Variants in HMGCLL1 observed in about 807,000 individuals in gnomAD.
HMGCLL1 encodes 3-hydroxymethyl-3-methylglutaryl-CoA lyase, cytoplasmic.
Under a neutral mutation model 39.1 loss-of-function variants are expected in HMGCLL1, and 36 were observed. That is an observed-to-expected ratio of 0.92 (90% CI 0.71 to 1.22). The LOEUF is 1.22. Ranked by LOEUF, HMGCLL1 falls within the 50% of genes most tolerant of loss-of-function variation. The pLI, the probability that HMGCLL1 is intolerant of heterozygous loss-of-function variation, is 0.00. For synonymous variants in HMGCLL1, 149 were observed against 144.0 expected, an observed-to-expected ratio of 1.03 and a Z score of -0.25; for missense variants, 451 against 416.5, an observed-to-expected ratio of 1.08 and a Z score of -0.72.
chr6:55,506,575 G>GA (rs1425274358), intron 5 of HMGCLL1, among the ~76,000 whole-genome samples: 1 of 151,646 alleles, frequency 6.6e-6, no homozygotes, highest in Non-Finnish European at 1.5e-5. Context: ...ATAACATGAT[G>GA]AAATCTCATA....
intron 3 of HMGCLL1, among the ~76,000 whole-genome samples, chr6:55,520,096 C>T (rs2127440753): frequency 2.2e-5 from 1 of 46,068 alleles, no homozygotes; most frequent in South Asian, 5.5e-4. Context: ...CGGGGCCTGT[C>T]AGGGGGTGGG....
chr6:55,611,588 A>G, the HMGCLL1 span, among the ~76,000 whole-genome samples: 2 of 152,210 alleles, frequency 1.3e-5, no homozygotes, highest in South Asian at 2.1e-4. Flanking sequence ...AACCAAATCC[A>G]AGAGTACCTC....
chr6:55,645,527 C>T, the HMGCLL1 span, among the ~76,000 whole-genome samples: 2 of 151,952 alleles, frequency 1.3e-5, no homozygotes, highest in Admixed American at 6.6e-5. Flanking sequence ...ATAATACTAG[C>T]TGTGGGTCTG....
At chr6:55,526,842 G>C (rs2127445691) in intron 3 of HMGCLL1, among the ~76,000 whole-genome samples, 1 of 152,084 alleles carries the variant, frequency 6.6e-6, no homozygotes, top group East Asian at 1.9e-4. Context: ...AATAAAATTA[G>C]GCTTTCCTTA....
the HMGCLL1 span, among the ~76,000 whole-genome samples, chr6:55,658,570 A>G: frequency 5.9e-5 from 9 of 151,918 alleles, no homozygotes; most frequent in African/African-American, 2.2e-4. Context: ...ATATCTAAAG[A>G]AGGTTAATGA....
At chr6:55,492,091 A>T (rs1028154500) in intron 7 of HMGCLL1, among the ~76,000 whole-genome samples, 2 of 152,118 alleles carry the variant, frequency 1.3e-5, no homozygotes, top group African/African-American at 4.8e-5. Flanking sequence ...TCCTTGCCTT[A>T]ATATTAACTT....
chr6:55,656,549 A>G, the HMGCLL1 span, among the ~76,000 whole-genome samples: 4 of 151,872 alleles, frequency 2.6e-5, no homozygotes, highest in Non-Finnish European at 5.9e-5. Flanking sequence ...CTTTTCATCC[A>G]TCTGCCAGCC....
intron 7 of HMGCLL1, among the ~76,000 whole-genome samples, chr6:55,484,212 G>A (rs1416970544): frequency 1.3e-5 from 2 of 152,020 alleles, no homozygotes; most frequent in Non-Finnish European, 2.9e-5. Context: ...CTCATCATAC[G>A]TGACCCATAT....
chr6:55,447,112 C>T (rs1274935565), intron 7 of HMGCLL1, among the ~76,000 whole-genome samples: 1 of 151,910 alleles, frequency 6.6e-6, no homozygotes, highest in Admixed American at 6.6e-5. Flanking sequence ...TGAAATTACC[C>T]ATACATGAAG....
the HMGCLL1 span, among the ~76,000 whole-genome samples, chr6:55,625,525 A>C: frequency 5.1e-4 from 77 of 152,176 alleles, no homozygotes; most frequent in East Asian, 0.014. Context: ...GGTTCTGCAC[A>C]ATATTCAGGC....
At chr6:55,455,280 G>A (rs1764275309) in intron 7 of HMGCLL1, among the ~76,000 whole-genome samples, 1 of 152,018 alleles carries the variant, frequency 6.6e-6, no homozygotes, top group Admixed American at 6.6e-5. Flanking sequence ...TATCTAACAA[G>A]ATATTTATCT....
chr6:55,496,674 A>G (rs1419648772), intron 6 of HMGCLL1, among the ~76,000 whole-genome samples: 2 of 152,050 alleles, frequency 1.3e-5, no homozygotes, highest in African/African-American at 4.8e-5. Flanking sequence ...AAGTGCAACT[A>G]GTGATGCTGG....
the HMGCLL1 span, among the ~76,000 whole-genome samples, chr6:55,672,153 G>T: frequency 6.6e-6 from 1 of 151,424 alleles, no homozygotes; most frequent in African/African-American, 2.4e-5. Context: ...ATCAATAACT[G>T]ATCTTAATTT....
At chr6:55,641,006 G>A in the HMGCLL1 span, among the ~76,000 whole-genome samples, 1 of 151,600 alleles carries the variant, frequency 6.6e-6, no homozygotes, top group African/African-American at 2.4e-5. Context: ...ATCAAAAAAT[G>A]TCTAAATCAA....
chr6:55,608,084 CTT>C, the HMGCLL1 span, among the ~76,000 whole-genome samples: 13 of 152,138 alleles, frequency 8.5e-5, no homozygotes, highest in Non-Finnish European at 4.4e-5. Context: ...TAATTTGCCT[CTT>C]ATATTAGTAA....
the HMGCLL1 span, among the ~76,000 whole-genome samples, chr6:55,605,940 A>G: frequency 1.3e-5 from 2 of 152,326 alleles, no homozygotes; most frequent in East Asian, 3.9e-4. Context: ...ATAACAATGC[A>G]GTACAATTTT....
chr6:55,491,765 G>A (rs549307618), intron 7 of HMGCLL1, among the ~76,000 whole-genome samples: 41 of 152,102 alleles, frequency 2.7e-4, no homozygotes, highest in East Asian at 7.7e-4. Context: ...AATGCTGTAC[G>A]TTTTGTCACC....
At chr6:55,593,889 C>T in the HMGCLL1 span, among the ~76,000 whole-genome samples, 5 of 152,248 alleles carry the variant, frequency 3.3e-5, no homozygotes, top group South Asian at 1.0e-3. Context: ...AGGTAAATTA[C>T]TTGACTAAAG....
chr6:55,518,157 C>A (rs999128005), intron 3 of HMGCLL1, among the ~76,000 whole-genome samples: 6 of 152,138 alleles, frequency 3.9e-5, no homozygotes, highest in South Asian at 2.1e-4. Flanking sequence ...AAAATACAGA[C>A]CTTACTTTCC....
Sources: allele counts gnomAD v4.1 joint callset (sites outside exome capture counted in the v4.1 genomes callset), GRCh38; gene constraint gnomAD v4.1.1; transcripts MANE v1.5; gene names NCBI Gene and HGNC (gene_info 2026-07-23, HGNC 2026-07-21).